ZNF845: variants seen among roughly 807,000 people sequenced by gnomAD.
ZNF845 encodes zinc finger protein 845.
A neutral mutation model predicts 76.1 loss-of-function variants in ZNF845; 59 were observed. That is an observed-to-expected ratio of 0.78 (90% CI 0.63 to 0.96). ZNF845 has a LOEUF of 0.96. Among genes scored for constraint, ZNF845 ranks in the 40% least tolerant of loss-of-function variants. ZNF845 has a pLI of 0.00. For missense variants in ZNF845, 1,045 were observed against 1,172.8 expected (o/e 0.89, Z 1.59); for synonymous variants, 361 against 386.9 (o/e 0.93, Z 0.78).
At chr19:53,350,043 T>C (rs922815086) in intron 3 of ZNF845, among the ~76,000 whole-genome samples, 4 of 152,170 alleles carry the variant, frequency 2.6e-5, no homozygotes, top group African/African-American at 9.7e-5. Flanking sequence ...CTCAAAAATA[T>C]AAAAATACAA....
At position 53,354,397 on chromosome 19, in the gene ZNF845, G is replaced by A. The variant is rs1015865078; in HGVS notation, c.*809G>A. 10 of 290,878 alleles carry A rather than the reference G, an allele frequency of 3.4e-5. No homozygotes were observed. The highest frequency in any genetic ancestry group is 1.2e-4 in the East Asian group (1 of 8,010). 18.0% of individuals were successfully genotyped at this position (290,878 alleles called of 1,614,324 possible). A position where few individuals can be genotyped will look rare whatever the true frequency, so the allele number is the denominator to read the frequency against. On this transcript the variant is annotated 3_prime_UTR_variant, in exon 4 of 4. Coordinates refer to ENST00000458035, the MANE Select transcript of ZNF845 (RefSeq NM_138374.3). ...TTATGTTAAGAAGATTGGGCCAGGC[G>A]GGGTGGCTCACGCCTGTAATCCCAG... is the stretch of plus-strand genomic sequence containing the variant.
chr19:53,354,409 G>C lies in ZNF845; in HGVS notation c.*821G>C. On this transcript the variant is annotated 3_prime_UTR_variant, in exon 4 of 4. Transcript: ENST00000458035. ...GATTGGGCCAGGCGGGGTGGCTCAC[G>C]CCTGTAATCCCAGCACTTTGGGAGG... 1 of 265,348 alleles carries C rather than the reference G, an allele frequency of 3.8e-6. No homozygotes were observed. 16.4% of individuals were successfully genotyped at this position (265,348 alleles called of 1,614,324 possible). A position where few individuals can be genotyped will look rare whatever the true frequency, so the allele number is the denominator to read the frequency against.
chr19:53,343,727 A>G (rs1334650510), intron 2 of ZNF845, among the ~76,000 whole-genome samples: 2 of 152,180 alleles, frequency 1.3e-5, no homozygotes, highest in Non-Finnish European at 2.9e-5. Flanking sequence ...TTGTATTAAC[A>G]TCTAGTTTTT....
rs763806530 is a variant in ZNF845 at position 53,352,128 on chromosome 19, C to T, written c.1453C>T (p.His485Tyr). The stretch of plus-strand genomic sequence containing the variant: ...CAGTCAGACATCATCCCTTGTATAC[C>T]ATCGTAGACTTCATACTGGAGAGAA... ...TFSQTSSLVY[H>Y]RRLHTGEKPY... is the part of the protein sequence containing the mutation. Residue 485 changes from histidine to tyrosine, a missense_variant, in exon 4 of 4, where the codon CAT becomes TAT. Physicochemically the swap from His to Tyr is moderately conservative, Grantham distance 83. Coordinates refer to ENST00000458035, the MANE Select transcript of ZNF845 (RefSeq NM_138374.3). The T allele has an allele frequency of 5.6e-6, 9 of 1,613,960 alleles. No homozygotes were observed. Among genetic ancestry groups the T allele is most frequent in the African/African-American group, 1.3e-5 (1 of 74,986 alleles).
In ZNF845 at chr19:53,350,146, A is replaced by AT. The variant is rs765548942; in HGVS notation, c.143-663dup. Among the ~76,000 whole-genome samples the AT allele has an allele frequency of 5.6e-4, 67 of 118,740 alleles. 1 individual carries two copies. The highest frequency in any genetic ancestry group is 1.1e-3 in the East Asian group (5 of 4,448). The allele number at this position is 118,740 out of a possible 152,430, so 77.9% of individuals were successfully genotyped here. ...AGAAAAATATTGTATTAACTTTTTA[A>AT]TTTTTTTTTCGAGATGGACTCTTGT... On this transcript the variant is annotated intron_variant, in intron 3 of 3. Transcript: ENST00000458035.
rs1434773998 is a variant in ZNF845, at chr19:53,354,302, T to C, written c.*714T>C. On this transcript the variant is annotated 3_prime_UTR_variant, in exon 4 of 4. Coordinates refer to ENST00000458035, the MANE Select transcript of ZNF845 (RefSeq NM_138374.3). ...CATCAAGCATTAATTGGCATTAGAG[T>C]CAATTCAGCATTGACTTGAGTTTGA... 9.9e-6 allele frequency: 4 copies of C among 402,644 alleles called. No individual in the cohort carries two copies. In the Admixed American group the frequency reaches 1.3e-4, roughly 13 times the overall value. The allele number at this position is 402,644 out of a possible 1,614,324, so 24.9% of individuals were successfully genotyped here. A position where few individuals can be genotyped will look rare whatever the true frequency, so the allele number is the denominator to read the frequency against.
chr19:53,356,582 A>G lies in ZNF845; in HGVS notation c.*2994A>G, dbSNP rs1568746777. On this transcript the variant is annotated 3_prime_UTR_variant, in exon 4 of 4. Transcript: ENST00000458035. ...AGGCATAATTCCTCCTTTGAGAATAAAGGAAAAGATTTCCCTTCCTTTTGT... is the reference window on the plus strand; with the variant it reads ...AGGCATAATTCCTCCTTTGAGAATAGAGGAAAAGATTTCCCTTCCTTTTGT... The G allele has an allele frequency of 6.6e-6, 1 of 151,638 alleles. No homozygotes were observed. The highest frequency in any genetic ancestry group is 1.5e-5 in the Non-Finnish European group (1 of 67,966). 9.4% of individuals were successfully genotyped at this position (151,638 alleles called of 1,614,324 possible).
intron 1 of ZNF845, among the ~76,000 whole-genome samples, chr19:53,334,044 CA>C (rs1293857174): frequency 6.6e-6 from 1 of 152,250 alleles, no homozygotes; most frequent in African/African-American, 2.4e-5. Flanking sequence ...TTTCCCTGCT[CA>C]AAACCTTTTT....
chr19:53,354,405 T>C lies in ZNF845; in HGVS notation c.*817T>C, dbSNP rs2085369677. Reference sequence around the variant, plus strand: ...AGAAGATTGGGCCAGGCGGGGTGGCTCACGCCTGTAATCCCAGCACTTTGG... The same window carrying C: ...AGAAGATTGGGCCAGGCGGGGTGGCCCACGCCTGTAATCCCAGCACTTTGG... On this transcript the variant is annotated 3_prime_UTR_variant, in exon 4 of 4. Coordinates refer to ENST00000458035, the MANE Select transcript of ZNF845 (RefSeq NM_138374.3). 1 of 279,418 alleles carries C rather than the reference T, an allele frequency of 3.6e-6. No individual in the cohort carries two copies. The highest frequency in any genetic ancestry group is 3.3e-5 in the South Asian group (1 of 29,944). 17.3% of individuals were successfully genotyped at this position (279,418 alleles called of 1,614,324 possible). A position where few individuals can be genotyped will look rare whatever the true frequency, so the allele number is the denominator to read the frequency against.
At chr19:53,348,058 C>T (rs1046935389) in intron 3 of ZNF845, among the ~76,000 whole-genome samples, 16 of 152,188 alleles carry the variant, frequency 1.1e-4, no homozygotes, top group African/African-American at 3.6e-4. Flanking sequence ...GGCATGGTGG[C>T]GGGCACCTGT....
Position 53,342,810 on chromosome 19 carries a change from G to GTTAT in ZNF845, c.15+1507_15+1510dup, listed in dbSNP as rs1018954746. Among the ~76,000 whole-genome samples, 32 of 152,130 alleles carry GTTAT rather than the reference G, an allele frequency of 2.1e-4. 1 individual carries two copies. Among genetic ancestry groups the GTTAT allele is most frequent in the Middle Eastern group, 3.4e-3 (1 of 294 alleles). On this transcript the variant is annotated intron_variant, in intron 2 of 3. Transcript: ENST00000458035. ...CTGCTATTAATCCCCGTATCCAATAGTTATTTATTTATTTATTTATTTTTT... is the reference window on the plus strand; with the variant it reads ...CTGCTATTAATCCCCGTATCCAATAGTTATTTATTTATTTATTTATTTATTTTTT...
At chr19:53,349,190 GT>G (rs1308712977) in intron 3 of ZNF845, among the ~76,000 whole-genome samples, 1 of 151,880 alleles carries the variant, frequency 6.6e-6, no homozygotes, top group South Asian at 2.1e-4. Flanking sequence ...AATGCTGTGT[GT>G]TTTTTTGACC....
intron 1 of ZNF845, 82 bp downstream of exon 1, chr19:53,333,874 G>C (rs1480463890): frequency 1.3e-5 from 2 of 156,262 alleles, no homozygotes; most frequent in Admixed American, 6.5e-5. Context: ...GGTCCCCATA[G>C]ACCTGGAAAT....
chr19:53,350,733 T>C (rs2085326855), intron 3 of ZNF845, 85 bp from the exon 4 acceptor site: 2 of 1,493,026 alleles, frequency 1.3e-6, no homozygotes, highest in Non-Finnish European at 1.8e-6. Flanking sequence ...AAAATAAGTA[T>C]TGTTTTTAGT....
Position 53,354,159 on chromosome 19 carries a change from C to T in ZNF845, c.*571C>T. 4.3e-6 allele frequency: 3 copies of T among 699,378 alleles called. No homozygotes were observed. The highest frequency in any genetic ancestry group is 2.9e-4 in the Middle Eastern group (1 of 3,410). The allele number at this position is 699,378 out of a possible 1,614,324, so 43.3% of individuals were successfully genotyped here. Reference sequence around the variant, plus strand: ...TAGACATCAGAGAATCCATACTGGACAGAAATCTTACAAATGTCATCAGTG... The same window carrying T: ...TAGACATCAGAGAATCCATACTGGATAGAAATCTTACAAATGTCATCAGTG... On this transcript the variant is annotated 3_prime_UTR_variant, in exon 4 of 4. Transcript: ENST00000458035.
intron 3 of ZNF845, among the ~76,000 whole-genome samples, chr19:53,348,254 C>T (rs958979045): frequency 3.3e-5 from 5 of 152,028 alleles, no homozygotes; most frequent in African/African-American, 4.8e-5. Flanking sequence ...GGTGATAGAG[C>T]GTGACTCAAT....
At chr19:53,350,670 T>G in intron 3 of ZNF845, 148 bp from the exon 4 acceptor site, 1 of 1,076,806 alleles carries the variant, frequency 9.3e-7, no homozygotes, top group Admixed American at 3.0e-5. Flanking sequence ...TATTTATTGA[T>G]GAATCTTACC....
At chr19:53,344,960 T>G (rs1384304185) in intron 2 of ZNF845, among the ~76,000 whole-genome samples, 3 of 152,154 alleles carry the variant, frequency 2.0e-5, no homozygotes, top group African/African-American at 7.2e-5. Context: ...TTCTTTTGTG[T>G]GTATTTTTAG....
Position 53,341,313 on chromosome 19 carries a change from T to C in ZNF845, c.6T>C (p.Ala2=). Residue 2 remains alanine, a synonymous_variant, in exon 2 of 4, where the codon GCT becomes GCC. Coordinates refer to ENST00000458035, the MANE Select transcript of ZNF845 (RefSeq NM_138374.3). M[A]LSQGLLTFRD... is the part of the protein sequence containing the mutation. ...GGAAAGCAAAGGAGTCAGGGATGGC[T>C]CTTTCTCAGGTGAGATGATATGTTG... The C allele has an allele frequency of 6.2e-6, 10 of 1,613,950 alleles. No individual in the cohort carries two copies. The highest frequency in any genetic ancestry group is 8.5e-6 in the Non-Finnish European group (10 of 1,179,924).
Sources: allele counts gnomAD v4.1 joint callset (sites outside exome capture counted in the v4.1 genomes callset), GRCh38; gene constraint gnomAD v4.1.1; transcripts MANE v1.5; gene names NCBI Gene and HGNC (gene_info 2026-07-23, HGNC 2026-07-21).